Variants in GPBP1L1 observed in about 807,000 individuals in gnomAD.
The protein encoded by GPBP1L1 is GC-rich promoter binding protein 1 like 1, also known as vasculin-like protein 1.
Under a neutral mutation model 52.5 loss-of-function variants are expected in GPBP1L1, and 23 were observed. The observed-to-expected ratio is 0.44, with a 90% CI of 0.32 to 0.62. GPBP1L1 has a LOEUF of 0.62. Ranked by LOEUF, GPBP1L1 falls within the 20% of genes least tolerant of loss-of-function variation. The probability of loss-of-function intolerance (pLI) is 0.06; values close to 1 mark genes in which losing one functional copy is unlikely to be tolerated. For synonymous variants in GPBP1L1, 243 were observed against 203.1 expected, an observed-to-expected ratio of 1.20 and a Z score of -1.67; for missense variants, 596 against 579.3, an observed-to-expected ratio of 1.03 and a Z score of -0.30.
intron 2 of GPBP1L1, among the ~76,000 whole-genome samples, chr1:45,669,311 G>A (rs982265581): frequency 2.0e-5 from 3 of 152,140 alleles, no homozygotes; most frequent in East Asian, 1.9e-4. Flanking sequence ...GACAATAGGC[G>A]CATGCCACCA....
intron 6 of GPBP1L1, among the ~76,000 whole-genome samples, chr1:45,649,924 A>G (rs933763785): frequency 6.6e-6 from 1 of 152,174 alleles, no homozygotes; most frequent in African/African-American, 2.4e-5. Flanking sequence ...GTTTTTCTAC[A>G]GAGTCCTTAG....
chr1:45,669,045 A>C (rs1645043391), intron 2 of GPBP1L1, among the ~76,000 whole-genome samples: 1 of 152,230 alleles, frequency 6.6e-6, no homozygotes, highest in Non-Finnish European at 1.5e-5. Flanking sequence ...TTCTGTCAAA[A>C]GCATAATTTT....
chr1:45,679,323 A>AG (rs1396541154), intron 2 of GPBP1L1, among the ~76,000 whole-genome samples: 2 of 152,228 alleles, frequency 1.3e-5, no homozygotes, highest in Non-Finnish European at 2.9e-5. Flanking sequence ...GTCATGCCAC[A>AG]GGAAGAGCCT....
At chr1:45,669,002 C>T (rs1645043001) in intron 2 of GPBP1L1, among the ~76,000 whole-genome samples, 1 of 152,162 alleles carries the variant, frequency 6.6e-6, no homozygotes, top group African/African-American at 2.4e-5. Context: ...AATTTCAATA[C>T]ATTCTCCATC....
chr1:45,641,461 AACACACACAC>A (rs143580004), intron 7 of GPBP1L1, among the ~76,000 whole-genome samples: 72 of 146,848 alleles, frequency 4.9e-4, no homozygotes, highest in East Asian at 1.8e-3. Context: ...CATACACATA[AACACACACAC>A]ACACACACAC....
At chr1:45,675,947 C>A (rs1432162195) in intron 2 of GPBP1L1, among the ~76,000 whole-genome samples, 4 of 152,188 alleles carry the variant, frequency 2.6e-5, no homozygotes, top group African/African-American at 9.7e-5. Context: ...CCTAATATTT[C>A]TTTTCAAAAT....
At chr1:45,633,704 CTCT>C in intron 9 of GPBP1L1, 57 bp from the exon 10 acceptor site, 1 of 1,555,132 alleles carries the variant, frequency 6.4e-7, no homozygotes, top group African/African-American at 1.4e-5. Flanking sequence ...AACTGGGGTT[CTCT>C]TCTACTAAGT....
intron 2 of GPBP1L1, among the ~76,000 whole-genome samples, chr1:45,667,705 C>G (rs926555677): frequency 5.9e-5 from 9 of 152,162 alleles, no homozygotes; most frequent in Admixed American, 6.6e-5. Context: ...AAACAAACCC[C>G]CTTCCTAGAG....
At chr1:45,629,719 A>C in intron 11 of GPBP1L1, 41 bp from the exon 12 acceptor site, 1 of 1,290,648 alleles carries the variant, frequency 7.7e-7, no homozygotes, top group African/African-American at 1.5e-5. Context: ...ATACAACATC[A>C]CTAAGCCTAA....
At chr1:45,673,288 T>A (rs565299729) in intron 2 of GPBP1L1, among the ~76,000 whole-genome samples, 8 of 152,314 alleles carry the variant, frequency 5.3e-5, no homozygotes, top group Middle Eastern at 3.4e-3. Flanking sequence ...GACCTTCAGC[T>A]AAAAGTATGG....
intron 2 of GPBP1L1, among the ~76,000 whole-genome samples, chr1:45,675,724 G>A (rs189562586): frequency 6.0e-4 from 91 of 152,204 alleles, no homozygotes; most frequent in Non-Finnish European, 1.1e-3. Context: ...AATTTTTGTA[G>A]AGACAGGGTC....
chr1:45,642,622 C>T, intron 6 of GPBP1L1, 123 bp from the exon 7 acceptor site: 2 of 692,378 alleles, frequency 2.9e-6, no homozygotes, highest in Non-Finnish European at 5.2e-6. Context: ...GCAACACTTA[C>T]TAATTTGACA....
At chr1:45,645,772 T>C (rs965388423) in intron 6 of GPBP1L1, 8 of 352,064 alleles carry the variant, frequency 2.3e-5, no homozygotes, top group Non-Finnish European at 4.3e-5. Context: ...TTTTTTGTTT[T>C]TTTTTTTTTT....
intron 12 of GPBP1L1, among the ~76,000 whole-genome samples, 180 bp downstream of exon 12, chr1:45,629,396 T>TG (rs1644498369): frequency 6.6e-6 from 1 of 150,466 alleles, no homozygotes; most frequent in South Asian, 2.1e-4. Context: ...TATATAACAC[T>TG]GGGGATCCTT....
At chr1:45,683,320 C>T (rs1453902038) in intron 2 of GPBP1L1, among the ~76,000 whole-genome samples, 2 of 149,560 alleles carry the variant, frequency 1.3e-5, no homozygotes, top group Admixed American at 6.7e-5. Context: ...ATTCTCCAGC[C>T]TCAGCCTCCC....
intron 4 of GPBP1L1, among the ~76,000 whole-genome samples, chr1:45,657,757 G>A (rs924241566): frequency 1.4e-4 from 21 of 152,274 alleles, no homozygotes; most frequent in African/African-American, 5.1e-4. Flanking sequence ...AGAGACTAGG[G>A]CGAGAGGATT....
chr1:45,670,250 GT>G (rs1349310789), intron 2 of GPBP1L1, among the ~76,000 whole-genome samples: 2 of 152,160 alleles, frequency 1.3e-5, no homozygotes, highest in Admixed American at 6.5e-5. Flanking sequence ...TATTTATCAG[GT>G]CTTTGTACTT....
intron 2 of GPBP1L1, among the ~76,000 whole-genome samples, chr1:45,677,494 CCT>C (rs1363765436): frequency 6.6e-6 from 1 of 151,900 alleles, no homozygotes; most frequent in East Asian, 1.9e-4. Flanking sequence ...AGTGTGAGAC[CCT>C]GTTTCACAAC....
chr1:45,670,325 A>C (rs560187688), intron 2 of GPBP1L1, among the ~76,000 whole-genome samples: 1 of 152,242 alleles, frequency 6.6e-6, no homozygotes, highest in South Asian at 2.1e-4. Flanking sequence ...TTATTAATGC[A>C]AGAGAATAAA....
Sources: allele counts gnomAD v4.1 joint callset (sites outside exome capture counted in the v4.1 genomes callset), GRCh38; gene constraint gnomAD v4.1.1; transcripts MANE v1.5; gene names NCBI Gene and HGNC (gene_info 2026-07-23, HGNC 2026-07-21).